The following ZXDC variants were observed in gnomAD, a reference collection of about 807,000 sequenced individuals.
The protein encoded by ZXDC is zinc finger protein ZXDC.
In ZXDC, 58 loss-of-function variants were observed where a neutral mutation model predicts 63.6. The observed-to-expected ratio is 0.91, with a 90% CI of 0.74 to 1.13. ZXDC has a LOEUF of 1.13. ZXDC is among the 50% of genes most tolerant of loss of function. ZXDC has a pLI of 0.00. For synonymous variants in ZXDC, 561 were observed against 496.1 expected (o/e 1.13, Z -1.74); for missense variants, 1,133 against 1,148.9 (o/e 0.99, Z 0.20).
At chr3:126,474,028 A>T (rs1261745669) in intron 1 of ZXDC, among the ~76,000 whole-genome samples, 1 of 150,578 alleles carries the variant, frequency 6.6e-6, no homozygotes, top group Non-Finnish European at 1.5e-5. Context: ...CAACAACTGC[A>T]GGTCAACACA....
At chr3:126,451,846 C>CA (rs1367153234) in intron 7 of ZXDC, 3 of 985,042 alleles carry the variant, frequency 3.0e-6, no homozygotes, top group Non-Finnish European at 3.6e-6. Context: ...GCCTCAGTGG[C>CA]ACCCGTGCAG....
At chr3:126,451,435 T>A (rs1162183706) in intron 7 of ZXDC, 1 of 985,246 alleles carries the variant, frequency 1.0e-6, no homozygotes, top group Non-Finnish European at 1.2e-6. Flanking sequence ...TTCACACAGA[T>A]CCCTGGGATT....
chr3:126,440,506 C>G (rs1036691156), intron 8 of ZXDC: 1 of 985,706 alleles, frequency 1.0e-6, no homozygotes, highest in South Asian at 4.7e-5. Flanking sequence ...AAGTATACCC[C>G]CTACTTGCTC....
intron 5 of ZXDC, among the ~76,000 whole-genome samples, chr3:126,464,385 G>T (rs142311928): frequency 6.6e-6 from 1 of 152,106 alleles, no homozygotes; most frequent in Admixed American, 6.5e-5. Flanking sequence ...CCACTCCCAG[G>T]ACCACCATTA....
chr3:126,438,098 G>C lies in ZXDC; in HGVS notation c.*277C>G. The C allele has an allele frequency of 2.0e-6, 1 of 511,962 alleles. No homozygotes were observed. Among genetic ancestry groups the C allele is most frequent in the Non-Finnish European group, 3.5e-6 (1 of 282,898 alleles). The allele number at this position is 511,962 out of a possible 1,614,324, so 31.7% of individuals were successfully genotyped here. ...ACACAGCTCAGATCCAACGGGACAC[G>C]GGGAAAGAGGCTGTAGTGCACCTAG... is the stretch of plus-strand genomic sequence containing the variant. On this transcript the variant is annotated 3_prime_UTR_variant, in exon 10 of 10. Transcript: ENST00000389709.
intron 7 of ZXDC, among the ~76,000 whole-genome samples, chr3:126,455,804 T>C (rs1934282001): frequency 2.6e-5 from 4 of 151,740 alleles, no homozygotes; most frequent in Non-Finnish European, 4.4e-5. Flanking sequence ...GAGACCATCC[T>C]GGCTAATACG....
rs1934443365 is a variant in ZXDC at position 126,459,655 on chromosome 3, G to A, written c.2210C>T (p.Ala737Val). Residue 737 changes from alanine to valine, a missense_variant and splice_region_variant, in exon 7 of 10, where the codon GCA becomes GTA. Transcript: ENST00000389709. ...GGCTGCAGCACACACGGCCTCACCT[G>A]CATTGCTCCCCGCTCCTCTCTGCTT... ...EKKQRGAGSN[A>V]GASQSTQRKI... 5 of 1,614,182 alleles carry A rather than the reference G, an allele frequency of 3.1e-6. No homozygotes were observed. Among genetic ancestry groups the A allele is most frequent in the Non-Finnish European group, 4.2e-6 (5 of 1,180,040 alleles).
At position 126,463,362 on chromosome 3, in the gene ZXDC, C is replaced by T. The variant is rs551050286; in HGVS notation, c.1442-1142G>A. On this transcript the variant is annotated intron_variant, in intron 5 of 9. Transcript: ENST00000389709. ...GGGATTACAGGTATGAGCCACCACGCCTGCAGCATGTCATGATTCTAACAG... is the reference window on the plus strand; with the variant it reads ...GGGATTACAGGTATGAGCCACCACGTCTGCAGCATGTCATGATTCTAACAG... Among the ~76,000 whole-genome samples, 3 of 152,312 alleles carry T rather than the reference C, an allele frequency of 2.0e-5. No individual in the cohort carries two copies. In the East Asian group the frequency reaches 5.8e-4, roughly 29 times the overall value.
chr3:126,456,981 C>T (rs1170050450), intron 7 of ZXDC, among the ~76,000 whole-genome samples: 2 of 152,222 alleles, frequency 1.3e-5, no homozygotes, highest in Admixed American at 6.5e-5. Context: ...CGGGTCTCAT[C>T]TCCAGAAGAC....
At chr3:126,462,719 C>T (rs1341897724) in intron 5 of ZXDC, among the ~76,000 whole-genome samples, 1 of 152,150 alleles carries the variant, frequency 6.6e-6, no homozygotes, top group African/African-American at 2.4e-5. Flanking sequence ...CTTGTCAGCT[C>T]ATGTTTGCCA....
intron 4 of ZXDC, 67 bp from the exon 5 acceptor site, chr3:126,466,392 T>TC (rs1167022646): frequency 6.3e-6 from 10 of 1,592,822 alleles, no homozygotes; most frequent in Non-Finnish European, 8.6e-6. Flanking sequence ...AAGTGACACT[T>TC]CCCCATCAGA....
rs1168034906 is a variant in ZXDC, at chr3:126,470,373, A to AT, written c.1270+521dup. 3.9e-5 allele frequency among the ~76,000 whole-genome samples: 6 copies of AT among 152,336 alleles called. No individual in the cohort carries two copies. In the East Asian group the frequency reaches 1.2e-3, roughly 29 times the overall value. ...TCCCAGCTACTCAGAAGGCTGAGGC[A>AT]TAAGAATCACTTAAACCTGGGAGGC... is the stretch of plus-strand genomic sequence containing the variant. On this transcript the variant is annotated intron_variant, in intron 4 of 9. Coordinates refer to ENST00000389709, the MANE Select transcript of ZXDC (RefSeq NM_025112.5).
At chr3:126,467,162 T>C (rs1055838437) in intron 4 of ZXDC, among the ~76,000 whole-genome samples, 1 of 151,874 alleles carries the variant, frequency 6.6e-6, no homozygotes, top group Non-Finnish European at 1.5e-5. Context: ...CTCAGGAGTA[T>C]GCAGCCCTCG....
intron 4 of ZXDC, among the ~76,000 whole-genome samples, chr3:126,469,061 G>A (rs77281886): frequency 0.029 from 4,404 of 152,220 alleles, 98 homozygotes; most frequent in Non-Finnish European, 0.045. Context: ...AACAACCCTG[G>A]GAGGTTTTAT....
chr3:126,475,658 T>A lies in ZXDC; in HGVS notation c.208A>T (p.Ser70Cys). ...AGCACCAAGAAAGAGTCGCCGTCGC[T>A]GTCGTCCTCGGCGGGCGGCGGGCTT... is the stretch of plus-strand genomic sequence containing the variant. ...GPSPPPAEDD[S>C]DGDSFLVLLE... Residue 70 changes from serine (S) to cysteine (C), a missense_variant, in exon 1 of 10, where the codon AGC becomes TGC. Transcript: ENST00000389709. 6.9e-7 allele frequency: 1 copy of A among 1,447,592 alleles called. No individual in the cohort carries two copies. Among genetic ancestry groups the A allele is most frequent in the Non-Finnish European group, 9.1e-7 (1 of 1,097,504 alleles). 89.7% of individuals were successfully genotyped at this position (1,447,592 alleles called of 1,614,324 possible).
Position 126,462,998 on chromosome 3 carries a change from G to A in ZXDC, c.1442-778C>T, listed in dbSNP as rs537468221. Among the ~76,000 whole-genome samples the A allele has an allele frequency of 1.1e-4, 17 of 152,208 alleles. No homozygotes were observed. The South Asian group carries it at 3.5e-3, about 32-fold the overall frequency. Reference sequence around the variant, plus strand: ...GGACTGCAAGCCTCCTGAGGGTGGAGAGCCATCTGACCACCACTGTCCCCT... The same window carrying A: ...GGACTGCAAGCCTCCTGAGGGTGGAAAGCCATCTGACCACCACTGTCCCCT... On this transcript the variant is annotated intron_variant, in intron 5 of 9. Coordinates refer to ENST00000389709, the MANE Select transcript of ZXDC (RefSeq NM_025112.5).
At chr3:126,469,751 C>T (rs749199037) in intron 4 of ZXDC, among the ~76,000 whole-genome samples, 6 of 152,236 alleles carry the variant, frequency 3.9e-5, no homozygotes, top group African/African-American at 1.4e-4. Flanking sequence ...GTTCTCACCC[C>T]GGTCTGGGGA....
At chr3:126,441,375 C>A (rs150274902) in intron 8 of ZXDC, 2 of 1,038,396 alleles carry the variant, frequency 1.9e-6, no homozygotes, top group South Asian at 4.6e-5. Context: ...AGACGGCCTG[C>A]GGAGCCCTTT....
At chr3:126,464,423 G>A (rs545501801) in intron 5 of ZXDC, among the ~76,000 whole-genome samples, 16 of 152,316 alleles carry the variant, frequency 1.1e-4, no homozygotes, top group African/African-American at 3.6e-4. Flanking sequence ...CATTGAGGGC[G>A]TGACATAATC....
Sources: allele counts gnomAD v4.1 joint callset (sites outside exome capture counted in the v4.1 genomes callset), GRCh38; gene constraint gnomAD v4.1.1; transcripts MANE v1.5; gene names NCBI Gene and HGNC (gene_info 2026-07-23, HGNC 2026-07-21).